Variants in SMIM21 observed in about 807,000 individuals in gnomAD.
SMIM21 encodes the protein small integral membrane protein 21, also known as chromosome 18 open reading frame 62.
Under a neutral mutation model 8.6 loss-of-function variants are expected in SMIM21, and 8 were observed. The ratio of observed to expected loss-of-function variants is 0.93; its 90% CI spans 0.55 to 1.68. The LOEUF is 1.68. Among genes scored for constraint, SMIM21 ranks in the 40% most tolerant of loss-of-function variants. SMIM21 has a pLI of 0.00. For missense variants in SMIM21, 132 were observed against 123.0 expected, an observed-to-expected ratio of 1.07 and a Z score of -0.35; for synonymous variants, 43 against 41.7, an observed-to-expected ratio of 1.03 and a Z score of -0.12.
At chr18:75,425,366 A>G (rs1321632466) in intron 1 of SMIM21, among the ~76,000 whole-genome samples, 1 of 152,226 alleles carries the variant, frequency 6.6e-6, no homozygotes, top group Non-Finnish European at 1.5e-5. Flanking sequence ...GGAACCAGTG[A>G]ACACTGGCCA....
At chr18:75,425,816 C>T (rs762652914) in intron 1 of SMIM21, among the ~76,000 whole-genome samples, 2 of 152,186 alleles carry the variant, frequency 1.3e-5, no homozygotes, top group Non-Finnish European at 2.9e-5. Context: ...AGCAAGTTAA[C>T]CTCCAACCTA....
At chr18:75,414,114 CACACACAT>C (rs1568151286) in intron 2 of SMIM21, among the ~76,000 whole-genome samples, 65 of 142,668 alleles carry the variant, frequency 4.6e-4, no homozygotes, top group Non-Finnish European at 9.5e-4. Context: ...CACACACACA[CACACACAT>C]ACACACACAC....
chr18:75,415,577 C>G (rs1433930676), intron 2 of SMIM21, among the ~76,000 whole-genome samples: 2 of 152,216 alleles, frequency 1.3e-5, no homozygotes, highest in Non-Finnish European at 2.9e-5. Flanking sequence ...CTCTTAGCTG[C>G]ACACAAAACA....
At chr18:75,417,953 T>C in intron 2 of SMIM21, 2 of 358,122 alleles carry the variant, frequency 5.6e-6, no homozygotes, top group Non-Finnish European at 9.9e-6. Flanking sequence ...GTTTAAGTCT[T>C]ATTCCTAGGG....
In SMIM21 at chr18:75,421,362, A is replaced by C. The variant is rs78658225; in HGVS notation, c.130-2446T>G. On this transcript the variant is annotated intron_variant, in intron 1 of 2. Transcript: ENST00000579022. The stretch of plus-strand genomic sequence containing the variant: ...ATAAAACAAAGTGCACAGGGACAGT[A>C]TTTTGGGGGCAGTGAAACAAAATCC... 1.4e-3 allele frequency among the ~76,000 whole-genome samples: 212 copies of C among 152,264 alleles called. 1 individual carries two copies. Among genetic ancestry groups the C allele is most frequent in the African/African-American group, 5.0e-3 (208 of 41,552 alleles).
intron 2 of SMIM21, chr18:75,418,093 T>C (rs1296947715): frequency 5.0e-6 from 2 of 398,002 alleles, no homozygotes; most frequent in African/African-American, 2.1e-5. Flanking sequence ...TGGCTGCTCA[T>C]GTGAGTGGGT....
intron 1 of SMIM21, among the ~76,000 whole-genome samples, chr18:75,423,551 A>T (rs1216134911): frequency 1.3e-5 from 2 of 152,246 alleles, no homozygotes; most frequent in Non-Finnish European, 2.9e-5. Flanking sequence ...GGCCAGCGGG[A>T]TGTCCCATGT....
chr18:75,418,634 G>T, intron 2 of SMIM21, 152 bp downstream of exon 2: 1 of 656,390 alleles, frequency 1.5e-6, no homozygotes, highest in Non-Finnish European at 2.4e-6. Context: ...AAAGTAATTT[G>T]ATAGCTACCC....
intron 1 of SMIM21, among the ~76,000 whole-genome samples, chr18:75,423,995 A>G (rs1329920519): frequency 2.6e-5 from 4 of 152,130 alleles, no homozygotes; most frequent in African/African-American, 9.7e-5. Context: ...TTTCAAATCT[A>G]CCACTCAGAT....
intron 2 of SMIM21, among the ~76,000 whole-genome samples, chr18:75,411,985 T>C (rs1187040248): frequency 6.6e-6 from 1 of 152,152 alleles, no homozygotes; most frequent in East Asian, 1.9e-4. Context: ...CCAGCAAATA[T>C]ATAGATGAAG....
intron 1 of SMIM21, among the ~76,000 whole-genome samples, chr18:75,424,283 A>G (rs1034962950): frequency 2.0e-5 from 3 of 152,250 alleles, no homozygotes; most frequent in African/African-American, 7.2e-5. Flanking sequence ...GTCAGGACGA[A>G]AAATGGAATA....
intron 2 of SMIM21, among the ~76,000 whole-genome samples, chr18:75,414,799 T>G (rs537415424): frequency 6.6e-6 from 1 of 152,284 alleles, no homozygotes; most frequent in East Asian, 1.9e-4. Flanking sequence ...TGGGTGGTTT[T>G]GGACCCTTTG....
chr18:75,419,485 T>C (rs1046170245), intron 1 of SMIM21, among the ~76,000 whole-genome samples: 1 of 152,194 alleles, frequency 6.6e-6, no homozygotes, highest in Non-Finnish European at 1.5e-5. Context: ...TGCCTTTTAT[T>C]CTGAATTTCA....
At chr18:75,420,422 T>C (rs1024282845) in intron 1 of SMIM21, among the ~76,000 whole-genome samples, 4 of 152,222 alleles carry the variant, frequency 2.6e-5, no homozygotes, top group African/African-American at 9.6e-5. Flanking sequence ...CTGTCTCTCT[T>C]TTTTTAAATT....
At chr18:75,425,870 G>T (rs1433663509) in intron 1 of SMIM21, among the ~76,000 whole-genome samples, 1 of 152,178 alleles carries the variant, frequency 6.6e-6, no homozygotes, top group Non-Finnish European at 1.5e-5. Flanking sequence ...AGGGGACAGG[G>T]ACAGTCTCTG....
intron 2 of SMIM21, among the ~76,000 whole-genome samples, chr18:75,413,771 A>T (rs1008567365): frequency 2.0e-5 from 3 of 152,024 alleles, no homozygotes; most frequent in African/African-American, 7.2e-5. Context: ...TCCTTGCTTG[A>T]CTTAGGATGT....
At chr18:75,411,984 A>G (rs1484573227) in intron 2 of SMIM21, among the ~76,000 whole-genome samples, 3 of 152,218 alleles carry the variant, frequency 2.0e-5, no homozygotes, top group African/African-American at 4.8e-5. Context: ...ACCAGCAAAT[A>G]TATAGATGAA....
intron 2 of SMIM21, among the ~76,000 whole-genome samples, chr18:75,412,951 A>G (rs1024717003): frequency 6.6e-6 from 1 of 152,138 alleles, no homozygotes; most frequent in African/African-American, 2.4e-5. Flanking sequence ...TTTGAATCCA[A>G]TGCAGTCTCA....
chr18:75,426,968 AT>A (rs1301652905), intron 1 of SMIM21, among the ~76,000 whole-genome samples: 1 of 152,174 alleles, frequency 6.6e-6, no homozygotes, highest in Non-Finnish European at 1.5e-5. Context: ...GAATGGTTAA[AT>A]TTGTTGCAAC....
Sources: allele counts gnomAD v4.1 joint callset (sites outside exome capture counted in the v4.1 genomes callset), GRCh38; gene constraint gnomAD v4.1.1; transcripts MANE v1.5; gene names NCBI Gene and HGNC (gene_info 2026-07-23, HGNC 2026-07-21).